CACNA2D2: variants seen among roughly 807,000 people sequenced by gnomAD.
CACNA2D2 encodes the protein calcium voltage-gated channel auxiliary subunit alpha2delta 2, also known as voltage-dependent calcium channel subunit alpha-2/delta-2.
In CACNA2D2, 48 loss-of-function variants were observed where a neutral mutation model predicts 166.4. That is an observed-to-expected ratio of 0.29 (90% CI 0.23 to 0.37). CACNA2D2 has a LOEUF of 0.37. Among genes scored for constraint, CACNA2D2 ranks in the 10% least tolerant of loss-of-function variants. CACNA2D2 has a pLI of 1.00. For synonymous variants in CACNA2D2, 561 were observed against 573.7 expected, an observed-to-expected ratio of 0.98 and a Z score of 0.32; for missense variants, 1,122 against 1,433.0, an observed-to-expected ratio of 0.78 and a Z score of 3.50.
At chr3:50,501,682 G>A (rs1334070128) in intron 1 of CACNA2D2, among the ~76,000 whole-genome samples, 1 of 152,198 alleles carries the variant, frequency 6.6e-6, no homozygotes, top group Non-Finnish European at 1.5e-5. Flanking sequence ...CTTCACTCAA[G>A]GAGCTATGAA....
At chr3:50,434,545 C>T (rs1406447429) in intron 2 of CACNA2D2, 116 bp from the exon 3 acceptor site, 2 of 772,944 alleles carry the variant, frequency 2.6e-6, no homozygotes, top group South Asian at 1.6e-5. Context: ...GCACCCAGAC[C>T]CTGTCTTTGG....
intron 3 of CACNA2D2, among the ~76,000 whole-genome samples, chr3:50,431,512 G>C (rs576056791): frequency 1.3e-5 from 2 of 152,210 alleles, no homozygotes; most frequent in East Asian, 1.9e-4. Flanking sequence ...TTCAAATCTT[G>C]GCTCTGCCAT....
At chr3:50,401,785 T>G (rs141814201) in intron 3 of CACNA2D2, among the ~76,000 whole-genome samples, 1 of 152,262 alleles carries the variant, frequency 6.6e-6, no homozygotes, top group East Asian at 1.9e-4. Context: ...CTGAGCTCAA[T>G]GCAACCTCTG....
intron 2 of CACNA2D2, among the ~76,000 whole-genome samples, chr3:50,455,885 C>T (rs2106979649): frequency 6.6e-6 from 1 of 152,274 alleles, no homozygotes; most frequent in African/African-American, 2.4e-5. Flanking sequence ...ACACTTGGGC[C>T]CACATGCTCC....
At chr3:50,451,837 A>G (rs908485243) in intron 2 of CACNA2D2, among the ~76,000 whole-genome samples, 15 of 151,548 alleles carry the variant, frequency 9.9e-5, no homozygotes, top group African/African-American at 3.4e-4. Context: ...CTCCTAACCA[A>G]CCCCAGGAGG....
chr3:50,424,971 T>C (rs1707741092), intron 3 of CACNA2D2, among the ~76,000 whole-genome samples: 1 of 152,046 alleles, frequency 6.6e-6, no homozygotes, highest in Admixed American at 6.5e-5. Context: ...AGCACCCCTG[T>C]AAGCCAAGGT....
intron 2 of CACNA2D2, among the ~76,000 whole-genome samples, chr3:50,455,106 C>A (rs1559965516): frequency 6.6e-6 from 1 of 152,238 alleles, no homozygotes; most frequent in Non-Finnish European, 1.5e-5. Flanking sequence ...GCCTTGGTTT[C>A]CCCATCACAC....
chr3:50,489,547 T>G (rs1698434431), intron 1 of CACNA2D2, among the ~76,000 whole-genome samples: 1 of 143,614 alleles, frequency 7.0e-6, no homozygotes, highest in African/African-American at 2.6e-5. Flanking sequence ...TAGGAGGCAC[T>G]GCCCAGGGGA....
chr3:50,384,332 G>A lies in CACNA2D2; in HGVS notation c.516C>T (p.Asp172=). The A allele has an allele frequency of 1.2e-6, 2 of 1,613,456 alleles. No individual in the cohort carries two copies. The highest frequency in any genetic ancestry group is 1.7e-6 in the Non-Finnish European group (2 of 1,179,516). The change falls in exon 6 of 38, where the codon GAC becomes GAT. Residue 172 remains aspartate (D), a synonymous_variant. Transcript: ENST00000424201. ...CCCTTTCCACATCCTCACTCTCAGG[G>A]TCGTCCTGCAGAAAGGGCACCCCCG... The part of the protein sequence containing the change: ...YDAKADAELD[D]PESEDVERGS...
At chr3:50,383,902 G>T (rs587704198) in intron 6 of CACNA2D2, among the ~76,000 whole-genome samples, 1 of 152,214 alleles carries the variant, frequency 6.6e-6, no homozygotes, top group African/African-American at 2.4e-5. Flanking sequence ...AACGGTCTCT[G>T]TGTGCGTGCA....
At chr3:50,480,238 G>T (rs73082941) in intron 1 of CACNA2D2, among the ~76,000 whole-genome samples, 10,810 of 152,216 alleles carry the variant, frequency 0.071, 523 homozygotes, top group Admixed American at 0.099. Context: ...AGCCTCAGGG[G>T]AAAGGCACTT....
At chr3:50,461,767 A>AAAG (rs1709596231) in intron 2 of CACNA2D2, among the ~76,000 whole-genome samples, 1 of 150,340 alleles carries the variant, frequency 6.7e-6, no homozygotes, top group African/African-American at 2.5e-5. Context: ...AAAAAAAGAA[A>AAAG]AAAAGAAAGA....
In CACNA2D2 at chr3:50,503,319, G is replaced by A; in HGVS notation, c.105C>T (p.Arg35=). The A allele has an allele frequency of 1.5e-6, 1 of 648,152 alleles. No individual in the cohort carries two copies. The highest frequency in any genetic ancestry group is 2.1e-6 in the Non-Finnish European group (1 of 472,058). 40.2% of individuals were successfully genotyped at this position (648,152 alleles called of 1,614,324 possible). Residue 35 remains arginine, a synonymous_variant, in exon 1 of 38, where the codon CGC becomes CGT. Transcript: ENST00000424201. ...GCGGGCGCGGGGGCCCGGACGTCGG[G>A]CGCCGGGTGCCGGGGCCAGGGTGGG... is the stretch of plus-strand genomic sequence containing the variant. ...CGPHPGPGTR[R]PTSGPPRPLW...
At position 50,365,231 on chromosome 3, in the gene CACNA2D2, A is replaced by AC; in HGVS notation, c.3099-48dup. ...GGGGCGTTGAGTTTGCCCCGCCCTG[A>AC]CCCACCCCCATCCTGCGGCCCCGCC... On this transcript the variant is annotated intron_variant, in intron 35 of 37. Transcript: ENST00000424201. The surrounding 1 kb of genome is among the most constrained non-coding windows in gnomAD (Gnocchi z 4.5). The AC allele has an allele frequency of 1.6e-5, 10 of 609,300 alleles. No homozygotes were observed. The highest frequency in any genetic ancestry group is 2.6e-5 in the Non-Finnish European group (10 of 380,622). The allele number at this position is 609,300 out of a possible 1,614,324, so 37.7% of individuals were successfully genotyped here.
At position 50,366,094 on chromosome 3, in the gene CACNA2D2, G is replaced by C. The variant is rs764694236; in HGVS notation, c.2779C>G (p.Arg927Gly). ...GCCTGATAGTCATAGGACTCCTTGC[G>C]GGTGTAGAAGGAGTTATTGTAGAGT... ...LALYNNSFYT[R>G]KESYDYQAAC... Residue 927 changes from arginine (R) to glycine (G), a missense_variant, in exon 32 of 38, where the codon CGC (arginine) becomes GGC (glycine). Physicochemically the swap from Arg to Gly is moderately radical, Grantham distance 125 (BLOSUM62 -2). This residue lies in a region of CACNA2D2 where 840 missense variants were observed against 1,166.8 expected (regional missense o/e 0.72). Transcript: ENST00000424201. The surrounding 1 kb of genome is among the most constrained non-coding windows in gnomAD (Gnocchi z 5.9). The C allele has an allele frequency of 4.3e-6, 7 of 1,613,734 alleles. No individual in the cohort carries two copies. The Admixed American group carries it at 1.0e-4, about 23-fold the overall frequency.
chr3:50,373,111 G>T lies in CACNA2D2; in HGVS notation c.1984+1626C>A, dbSNP rs1221559115. The T allele has an allele frequency of 3.9e-6, 6 of 1,533,746 alleles. No individual in the cohort carries two copies. In the South Asian group the frequency reaches 4.8e-5, roughly 12 times the overall value. ...CTGGGACAGTCCACCAAGAGAGAAA[G>T]CGAGGAAAACAAAAACAACACAAAC... On this transcript the variant is annotated intron_variant, in intron 22 of 37. Transcript: ENST00000424201.
In CACNA2D2 at chr3:50,366,766, T is replaced by TG; in HGVS notation, c.2589+64dup. 1 of 1,567,606 alleles carries TG rather than the reference T, an allele frequency of 6.4e-7. No individual in the cohort carries two copies. Among genetic ancestry groups the TG allele is most frequent in the Non-Finnish European group, 8.7e-7 (1 of 1,143,466 alleles). On this transcript the variant is annotated intron_variant, in intron 29 of 37. Coordinates refer to ENST00000424201, the MANE Select transcript of CACNA2D2 (RefSeq NM_006030.4). This position sits in a 1 kb window ranked among gnomAD's most constrained non-coding sequence, Gnocchi z 5.9. ...TTGGAGCCACTGAGTGGAGGGTTGG[T>TG]GGGGGTTCCAGGGGACTCCAGGAAG... is the stretch of plus-strand genomic sequence containing the variant.
At chr3:50,504,175 T>A (rs1699103726), upstream of CACNA2D2, 1 of 152,230 alleles carries the variant, frequency 6.6e-6, no homozygotes, top group Non-Finnish European at 1.5e-5. Context: ...AGCGGAAACC[T>A]GGGCACGGCT....
chr3:50,407,733 T>C (rs1441564408), intron 3 of CACNA2D2, among the ~76,000 whole-genome samples: 1 of 152,160 alleles, frequency 6.6e-6, no homozygotes, highest in Non-Finnish European at 1.5e-5. Flanking sequence ...ACAGTGAGCA[T>C]CCAAGGCTGT....
Sources: gnomAD v4.1 joint callset for allele counts (sites outside exome capture counted in the v4.1 genomes callset) on GRCh38, gnomAD v4.1.1 for gene constraint, gnomAD v4.1.1 regional missense constraint, Gnocchi (gnomAD v3.1) non-coding constraint, MANE v1.5 for transcripts, NCBI Gene and HGNC (gene_info 2026-07-23, HGNC 2026-07-21) for gene names.